Variants in ANO3 observed in about 807,000 individuals in gnomAD.
ANO3 encodes the protein anoctamin 3, also known as anoctamin-3.
In ANO3, 99 loss-of-function variants were observed where a neutral mutation model predicts 144.8. The observed-to-expected ratio is 0.68, with a 90% CI of 0.58 to 0.81. ANO3 has a LOEUF of 0.81. Ranked by LOEUF, ANO3 falls within the 30% of genes least tolerant of loss-of-function variation. The pLI, the probability that ANO3 is intolerant of heterozygous loss-of-function variation, is 0.00. For synonymous variants in ANO3, 414 were observed against 392.6 expected (o/e 1.05, Z -0.64); for missense variants, 905 against 1,202.2 (o/e 0.75, Z 3.66).
intron 21 of ANO3, 35 bp from the exon 22 acceptor site, chr11:26,641,861 G>A (rs1853164077): frequency 6.2e-7 from 1 of 1,603,640 alleles, no homozygotes; most frequent in East Asian, 2.2e-5. Flanking sequence ...GCTTGAATCA[G>A]AGCTCAAAAG....
At chr11:26,597,783 G>A (rs568436294) in intron 14 of ANO3, among the ~76,000 whole-genome samples, 11 of 152,178 alleles carry the variant, frequency 7.2e-5, no homozygotes, top group East Asian at 5.8e-4. Flanking sequence ...AACAGCAATC[G>A]TTTTCTTAAC....
intron 1 of ANO3, among the ~76,000 whole-genome samples, chr11:26,325,253 T>C (rs1854856342): frequency 6.6e-6 from 1 of 152,174 alleles, no homozygotes; most frequent in African/African-American, 2.4e-5. Flanking sequence ...TTTTTTGGCA[T>C]AAAGCTTGCA....
At chr11:26,559,835 T>G in intron 14 of ANO3, 56 bp downstream of exon 14, 2 of 660,906 alleles carry the variant, frequency 3.0e-6, no homozygotes, top group Non-Finnish European at 5.4e-6. Flanking sequence ...GTTTCTGTGT[T>G]ACACACACAC....
intron 1 of ANO3, among the ~76,000 whole-genome samples, chr11:26,322,489 C>A (rs1386437668): frequency 1.3e-5 from 2 of 152,046 alleles, no homozygotes; most frequent in Admixed American, 6.6e-5. Context: ...TCTCTTTAGG[C>A]TCCTCTTGAC....
chr11:26,346,596 T>A (rs1855501359), intron 1 of ANO3, among the ~76,000 whole-genome samples: 1 of 152,204 alleles, frequency 6.6e-6, no homozygotes, highest in Non-Finnish European at 1.5e-5. Context: ...TATGTTATGT[T>A]CATTGGGATT....
chr11:26,632,996 G>T (rs1226131746), intron 18 of ANO3, among the ~76,000 whole-genome samples: 1 of 152,148 alleles, frequency 6.6e-6, no homozygotes, highest in African/African-American at 2.4e-5. Context: ...GTCACCTTCT[G>T]GGTGGCCCAC....
rs1332837854 is a variant in ANO3 at position 26,602,255 on chromosome 11, A to T, written c.1836+2541A>T. The stretch of plus-strand genomic sequence containing the variant: ...GCATATTAGAATAAAGAAAAATAAG[A>T]CTAGAAAACTAAATCAGTGCCTAGC... On this transcript the variant is annotated intron_variant, in intron 17 of 26. Transcript: ENST00000256737. 5.3e-5 allele frequency among the ~76,000 whole-genome samples: 8 copies of T among 152,136 alleles called. No individual in the cohort carries two copies. The South Asian group carries it at 1.2e-3, about 24-fold the overall frequency.
intron 1 of ANO3, among the ~76,000 whole-genome samples, chr11:26,240,841 A>C (rs567935549): frequency 6.6e-6 from 1 of 152,158 alleles, no homozygotes; most frequent in African/African-American, 2.4e-5. Flanking sequence ...TATTCCTCAG[A>C]CTCTCTTAAT....
intron 1 of ANO3, among the ~76,000 whole-genome samples, chr11:26,304,458 T>A (rs946107501): frequency 7.2e-5 from 11 of 152,112 alleles, no homozygotes; most frequent in Admixed American, 5.2e-4. Flanking sequence ...TAACTTTTTT[T>A]AAAAATTACC....
chr11:26,446,577 C>T (rs1052674933), intron 3 of ANO3, among the ~76,000 whole-genome samples: 1 of 152,164 alleles, frequency 6.6e-6, no homozygotes, highest in Admixed American at 6.5e-5. Context: ...CTAAGGCTCC[C>T]TAACAGGATG....
intron 17 of ANO3, among the ~76,000 whole-genome samples, chr11:26,622,406 G>A (rs1051667872): frequency 1.4e-5 from 2 of 144,958 alleles, no homozygotes; most frequent in South Asian, 2.2e-4. Context: ...ACCAGACTGG[G>A]CAACATGCCC....
chr11:26,451,148 C>A (rs973532254), intron 3 of ANO3, among the ~76,000 whole-genome samples: 8 of 152,138 alleles, frequency 5.3e-5, no homozygotes, highest in Non-Finnish European at 1.2e-4. Context: ...CAGATCCCAG[C>A]CTGAGCGACG....
chr11:26,634,958 A>T lies in ANO3; in HGVS notation c.1986-55A>T. On this transcript the variant is annotated intron_variant, in intron 19 of 26. Transcript: ENST00000256737. Reference sequence around the variant, plus strand: ...TGCACTCGTTGTGATGCCTAAGTAGATGTTCTTCAGTGAACCCCACTTAAA... The same window carrying T: ...TGCACTCGTTGTGATGCCTAAGTAGTTGTTCTTCAGTGAACCCCACTTAAA... 5.6e-6 allele frequency: 8 copies of T among 1,424,380 alleles called. No individual in the cohort carries two copies. The South Asian group carries it at 9.3e-5, about 16-fold the overall frequency. The allele number at this position is 1,424,380 out of a possible 1,614,324, so 88.2% of individuals were successfully genotyped here.
chr11:26,630,732 T>G (rs1250571844), intron 18 of ANO3, among the ~76,000 whole-genome samples: 2 of 152,178 alleles, frequency 1.3e-5, no homozygotes, highest in Non-Finnish European at 2.9e-5. Flanking sequence ...CATTGTTGAG[T>G]AAGGAATTCT....
At chr11:26,236,905 G>A (rs1852543286) in intron 1 of ANO3, among the ~76,000 whole-genome samples, 1 of 151,812 alleles carries the variant, frequency 6.6e-6, no homozygotes, top group South Asian at 2.1e-4. Context: ...TTATAAATGG[G>A]GATATATACA....
intron 14 of ANO3, among the ~76,000 whole-genome samples, chr11:26,585,771 C>T (rs571097602): frequency 3.6e-4 from 55 of 152,262 alleles, no homozygotes; most frequent in African/African-American, 1.1e-3. Flanking sequence ...TTCAGCAAGT[C>T]ACTTAACCTC....
At chr11:26,451,746 A>T (rs1004545556) in intron 3 of ANO3, among the ~76,000 whole-genome samples, 1 of 152,198 alleles carries the variant, frequency 6.6e-6, no homozygotes, top group Non-Finnish European at 1.5e-5. Context: ...TTCTCCCAGC[A>T]TGCAGCTGGA....
intron 1 of ANO3, among the ~76,000 whole-genome samples, chr11:26,239,171 A>T (rs1852600187): frequency 6.6e-6 from 1 of 151,926 alleles, no homozygotes; most frequent in Non-Finnish European, 1.5e-5. Context: ...CAGACACATT[A>T]TTAAAATATT....
At chr11:26,210,990 C>T (rs1196017822) in intron 1 of ANO3, among the ~76,000 whole-genome samples, 2 of 151,968 alleles carry the variant, frequency 1.3e-5, no homozygotes, top group African/African-American at 2.4e-5. Context: ...TTGAACTCAG[C>T]CCTGGACCAA....
Sources: gnomAD v4.1 joint callset for allele counts (sites outside exome capture counted in the v4.1 genomes callset) on GRCh38, gnomAD v4.1.1 for gene constraint, MANE v1.5 for transcripts, NCBI Gene and HGNC (gene_info 2026-07-23, HGNC 2026-07-21) for gene names.